AKAP9: variants seen among roughly 807,000 people sequenced by gnomAD.
AKAP9 encodes A-kinase anchor protein 9.
AKAP9 carries 311 observed loss-of-function variants against 488.5 expected under a neutral mutation model. That is an observed-to-expected ratio of 0.64 (90% CI 0.58 to 0.70). AKAP9 has a LOEUF of 0.70. Ranked by LOEUF, AKAP9 falls within the 30% of genes least tolerant of loss-of-function variation. The probability of loss-of-function intolerance (pLI) is 0.00; values close to 1 mark genes in which losing one functional copy is unlikely to be tolerated. For missense variants in AKAP9, 4,215 were observed against 4,374.5 expected (o/e 0.96, Z 1.03); for synonymous variants, 1,462 against 1,483.5 (o/e 0.99, Z 0.33).
chr7:92,077,747 A>G lies in AKAP9; in HGVS notation c.6817A>G (p.Thr2273Ala), dbSNP rs2130857991. The G allele has an allele frequency of 1.9e-6, 3 of 1,613,914 alleles. No individual in the cohort carries two copies. The highest frequency in any genetic ancestry group is 1.1e-5 in the South Asian group (1 of 91,080). The change falls in exon 30 of 50, where the codon ACT becomes GCT. Residue 2273 changes from threonine to alanine, a missense_variant. Physicochemically the swap from Thr to Ala is moderately conservative, Grantham distance 58. This residue lies in a region of AKAP9 where 1,476 missense variants were observed against 1,477.4 expected (regional missense o/e 1.00). Transcript: ENST00000356239. ...LAIKESDAMS[T>A]QDQHVLFGKF... is the part of the protein sequence containing the mutation. ...CATAAAGGAATCTGATGCCATGTCT[A>G]CTCAAGACCAACATGTGCTATTTGG...
intron 17 of AKAP9, among the ~76,000 whole-genome samples, chr7:92,039,858 C>T (rs1805776289): frequency 6.6e-6 from 1 of 152,146 alleles, no homozygotes; most frequent in South Asian, 2.1e-4. Context: ...GCCTGTAATC[C>T]CAGCTACTTG....
At chr7:92,110,014 TAA>T in intron 49 of AKAP9, 106 bp from the exon 50 acceptor site, 1 of 886,912 alleles carries the variant, frequency 1.1e-6, no homozygotes, top group Non-Finnish European at 1.8e-6. Flanking sequence ...AAAAGGGCTT[TAA>T]AAAAATGGAG....
intron 19 of AKAP9, 112 bp downstream of exon 19, chr7:92,042,298 A>G: frequency 7.1e-7 from 1 of 1,399,784 alleles, no homozygotes; most frequent in South Asian, 1.2e-5. Flanking sequence ...AGCTTAACAT[A>G]TTTGTGACTG....
At chr7:91,950,663 C>T (rs1220782612) in intron 1 of AKAP9, among the ~76,000 whole-genome samples, 1 of 152,038 alleles carries the variant, frequency 6.6e-6, no homozygotes, top group Admixed American at 6.6e-5. Context: ...GTGTGGAGAC[C>T]TTGTGGGGAT....
chr7:92,008,550 G>A (rs1179695555), intron 8 of AKAP9, among the ~76,000 whole-genome samples: 2 of 151,442 alleles, frequency 1.3e-5, no homozygotes, highest in Non-Finnish European at 1.5e-5. Context: ...AGCTAGGCAT[G>A]GTGGCATGCG....
chr7:91,958,562 A>T (rs1438524584), intron 1 of AKAP9, among the ~76,000 whole-genome samples: 1 of 152,162 alleles, frequency 6.6e-6, no homozygotes, highest in Non-Finnish European at 1.5e-5. Flanking sequence ...TAAGATTTCT[A>T]GTAGGTATGT....
In AKAP9 at chr7:92,042,660, T is replaced by G. The variant is rs1806310712; in HGVS notation, c.5059-8T>G. 6.3e-7 allele frequency: 1 copy of G among 1,596,196 alleles called. No homozygotes were observed. The highest frequency in any genetic ancestry group is 8.6e-7 in the Non-Finnish European group (1 of 1,165,436). On this transcript the variant is annotated splice_region_variant and splice_polypyrimidine_tract_variant and intron_variant, in intron 19 of 49. Coordinates refer to ENST00000356239, the MANE Select transcript of AKAP9 (RefSeq NM_005751.5). ...TTCTCCTCTCTTCCTTTACACAAAC[T>G]TAAACAGAATGGAAATGAAAACCAA...
chr7:92,077,386 T>G (rs1293226354), intron 29 of AKAP9, among the ~76,000 whole-genome samples: 1 of 152,106 alleles, frequency 6.6e-6, no homozygotes, highest in Admixed American at 6.6e-5. Flanking sequence ...CCACCACACC[T>G]GGCCCCTATA....
chr7:92,089,667 A>G (rs1232285974), intron 38 of AKAP9, 138 bp downstream of exon 38: 1 of 974,172 alleles, frequency 1.0e-6, no homozygotes, highest in East Asian at 2.7e-5. Flanking sequence ...TAAGGATACA[A>G]TCTATATTAA....
intron 1 of AKAP9, among the ~76,000 whole-genome samples, chr7:91,950,489 C>G (rs377139966): frequency 6.6e-6 from 1 of 152,154 alleles, no homozygotes; most frequent in Non-Finnish European, 1.5e-5. Flanking sequence ...CTCGGCCTCC[C>G]AAAGTGCTGG....
At chr7:91,981,884 G>A (rs181517471) in intron 3 of AKAP9, among the ~76,000 whole-genome samples, 1 of 152,252 alleles carries the variant, frequency 6.6e-6, no homozygotes, top group East Asian at 1.9e-4. Context: ...GATTACAGGT[G>A]TAAGCCACCG....
At chr7:91,971,463 G>A (rs184869940) in intron 1 of AKAP9, among the ~76,000 whole-genome samples, 95 of 151,850 alleles carry the variant, frequency 6.3e-4, no homozygotes, top group African/African-American at 2.2e-3. Flanking sequence ...TGTCTTGTTA[G>A]GGTCATTCAC....
intron 45 of AKAP9, 62 bp from the exon 46 acceptor site, chr7:92,102,532 C>G: frequency 7.1e-7 from 1 of 1,407,684 alleles, no homozygotes; most frequent in Non-Finnish European, 1.0e-6. Context: ...GGTTATTTTC[C>G]CCTAGAGAGC....
At chr7:91,980,371 G>A in intron 3 of AKAP9, 38 bp downstream of exon 3, 12 of 1,019,094 alleles carry the variant, frequency 1.2e-5, no homozygotes, top group Non-Finnish European at 1.6e-5. Flanking sequence ...TATCATAAAT[G>A]TATATTTATA....
chr7:92,091,606 A>AC (rs1815634861), intron 38 of AKAP9, among the ~76,000 whole-genome samples: 1 of 151,244 alleles, frequency 6.6e-6, no homozygotes, highest in Non-Finnish European at 1.5e-5. Context: ...AACAAAAAAA[A>AC]AAAACAAAGC....
intron 17 of AKAP9, among the ~76,000 whole-genome samples, chr7:92,039,967 C>T (rs1194918680): frequency 6.6e-6 from 1 of 151,980 alleles, no homozygotes; most frequent in Non-Finnish European, 1.5e-5. Context: ...ACCAAGACTC[C>T]CTCTCAAAAA....
chr7:91,982,343 C>T (rs976789729), intron 3 of AKAP9, among the ~76,000 whole-genome samples: 5 of 151,902 alleles, frequency 3.3e-5, no homozygotes, highest in African/African-American at 4.8e-5. Flanking sequence ...CCTCCCCCAG[C>T]GCCCCACCCC....
chr7:92,097,994 G>C (rs1475560633), intron 42 of AKAP9, 115 bp from the exon 43 acceptor site: 2 of 864,242 alleles, frequency 2.3e-6, no homozygotes, highest in Non-Finnish European at 3.8e-6. Flanking sequence ...AGAAAGCATG[G>C]GATATAAGGG....
intron 1 of AKAP9, among the ~76,000 whole-genome samples, chr7:91,947,294 C>T (rs1213888722): frequency 2.0e-5 from 3 of 151,908 alleles, no homozygotes; most frequent in African/African-American, 4.8e-5. Context: ...TTTGTTCAAC[C>T]AACATTTTTG....
Sources: gnomAD v4.1 joint callset for allele counts (sites outside exome capture counted in the v4.1 genomes callset) on GRCh38, gnomAD v4.1.1 for gene constraint, gnomAD v4.1.1 regional missense constraint, MANE v1.5 for transcripts, NCBI Gene and HGNC (gene_info 2026-07-23, HGNC 2026-07-21) for gene names.